NIPAL2: variants seen among roughly 807,000 people sequenced by gnomAD.
NIPAL2 encodes the protein NIPA-like protein 2.
Under a neutral mutation model 48.9 loss-of-function variants are expected in NIPAL2, and 43 were observed. The ratio of observed to expected loss-of-function variants is 0.88; its 90% CI spans 0.69 to 1.13. NIPAL2 has a LOEUF of 1.13. Ranked by LOEUF, NIPAL2 falls within the 50% of genes most tolerant of loss-of-function variation. The probability of loss-of-function intolerance (pLI) is 0.00; values close to 1 mark genes in which losing one functional copy is unlikely to be tolerated. For synonymous variants in NIPAL2, 167 were observed against 174.6 expected (o/e 0.96, Z 0.34); for missense variants, 446 against 461.4 (o/e 0.97, Z 0.31).
chr8:98,240,388 G>A (rs1301591851), intron 3 of NIPAL2, among the ~76,000 whole-genome samples: 2 of 152,152 alleles, frequency 1.3e-5, no homozygotes, highest in African/African-American at 2.4e-5. Context: ...AATAGTCCTA[G>A]CAGGTTAATA....
intron 1 of NIPAL2, among the ~76,000 whole-genome samples, chr8:98,259,581 T>TA (rs1454495887): frequency 2.0e-5 from 3 of 152,210 alleles, no homozygotes; most frequent in African/African-American, 7.2e-5. Context: ...CTCCACCTGT[T>TA]AGGAAAAACA....
rs1372783379 is a variant in NIPAL2 at position 98,294,114 on chromosome 8, G to T, written c.24C>A (p.Gly8=). 3 of 1,472,570 alleles carry T rather than the reference G, an allele frequency of 2.0e-6. No homozygotes were observed. Among genetic ancestry groups the T allele is most frequent in the Non-Finnish European group, 2.7e-6 (3 of 1,111,274 alleles). The allele number at this position is 1,472,570 out of a possible 1,614,324, so 91.2% of individuals were successfully genotyped here. Reference sequence around the variant, plus strand: ...GGGCGGCCGAGGCGGAGTCCCCGGGGCCCGCGGGCGCCACCGCTGCCATGA... The same window carrying T: ...GGGCGGCCGAGGCGGAGTCCCCGGGTCCCGCGGGCGCCACCGCTGCCATGA... MAAVAPA[G]PGDSASAALD... Residue 8 remains glycine, a synonymous_variant, in exon 1 of 11, where the codon GGC becomes GGA. Coordinates refer to ENST00000430223, the MANE Select transcript of NIPAL2 (RefSeq NM_001321635.2).
At chr8:98,259,139 C>A (rs958764557) in intron 1 of NIPAL2, among the ~76,000 whole-genome samples, 168 of 127,334 alleles carry the variant, frequency 1.3e-3, no homozygotes, top group Non-Finnish European at 2.1e-3. Flanking sequence ...TGCAGTGGCG[C>A]GATCTCGACT....
At chr8:98,264,914 T>C (rs1270237511) in intron 1 of NIPAL2, among the ~76,000 whole-genome samples, 2 of 151,008 alleles carry the variant, frequency 1.3e-5, no homozygotes, top group African/African-American at 4.9e-5. Context: ...AACAGCATGG[T>C]ACTGGTACCA....
chr8:98,275,670 C>T (rs891727339), intron 1 of NIPAL2, among the ~76,000 whole-genome samples: 21 of 152,146 alleles, frequency 1.4e-4, no homozygotes, highest in Admixed American at 1.4e-3. Context: ...TTGAAAGGAA[C>T]TGCCAAACTA....
chr8:98,252,074 A>G (rs1813617026), intron 3 of NIPAL2: 1 of 158,924 alleles, frequency 6.3e-6, no homozygotes, highest in African/African-American at 2.4e-5. Flanking sequence ...ATACTAAACT[A>G]TGAAGTCAAG....
In NIPAL2 at chr8:98,190,168, A is replaced by G. The variant is rs975778792; in HGVS notation, c.*2810T>C. 3 of 152,184 alleles carry G rather than the reference A, an allele frequency of 2.0e-5. No homozygotes were observed. Among genetic ancestry groups the G allele is most frequent in the Non-Finnish European group, 2.9e-5 (2 of 68,040 alleles). The allele number at this position is 152,184 out of a possible 1,614,324, so 9.4% of individuals were successfully genotyped here. A position where few individuals can be genotyped will look rare whatever the true frequency, so the allele number is the denominator to read the frequency against. Reference sequence around the variant, plus strand: ...ATCAAGCCATGTTTCCACACTCCCAAAGTATCTCATTTGTCATGAGCCATG... The same window carrying G: ...ATCAAGCCATGTTTCCACACTCCCAGAGTATCTCATTTGTCATGAGCCATG... On this transcript the variant is annotated 3_prime_UTR_variant, in exon 11 of 11. Transcript: ENST00000430223.
At chr8:98,283,272 T>C (rs1053964891) in intron 1 of NIPAL2, among the ~76,000 whole-genome samples, 2 of 152,336 alleles carry the variant, frequency 1.3e-5, no homozygotes, top group East Asian at 1.9e-4. Context: ...TTCTGAGAAA[T>C]GTAAGTCTCA....
intron 6 of NIPAL2, among the ~76,000 whole-genome samples, chr8:98,206,316 GTA>G (rs1554561615): frequency 7.5e-5 from 11 of 147,548 alleles, no homozygotes; most frequent in Non-Finnish European, 1.0e-4. Flanking sequence ...GTGTGTGTGT[GTA>G]TATATATATA....
At chr8:98,210,115 TTTCTC>T (rs1295114566) in intron 6 of NIPAL2, among the ~76,000 whole-genome samples, 2 of 152,024 alleles carry the variant, frequency 1.3e-5, no homozygotes, top group Non-Finnish European at 1.5e-5. Flanking sequence ...ATCCATTACT[TTTCTC>T]TTTTCTATTT....
chr8:98,252,769 A>G (rs889341299), intron 2 of NIPAL2, 135 bp from the exon 3 acceptor site: 2 of 761,256 alleles, frequency 2.6e-6, no homozygotes, highest in African/African-American at 3.6e-5. Context: ...AAGAACGAAT[A>G]CATTTTTGGG....
In NIPAL2 at chr8:98,191,362, A is replaced by G. The variant is rs762500298; in HGVS notation, c.*1616T>C. 27 of 152,230 alleles carry G rather than the reference A, an allele frequency of 1.8e-4. No individual in the cohort carries two copies. The highest frequency in any genetic ancestry group is 3.5e-4 in the Non-Finnish European group (24 of 68,042). The allele number at this position is 152,230 out of a possible 1,614,324, so 9.4% of individuals were successfully genotyped here. On this transcript the variant is annotated 3_prime_UTR_variant, in exon 11 of 11. Coordinates refer to ENST00000430223, the MANE Select transcript of NIPAL2 (RefSeq NM_001321635.2). The stretch of plus-strand genomic sequence containing the variant: ...ATACACCATAAATTATGACTGCTTT[A>G]TCTGAATGCATGGGACACTTGCTAC...
At chr8:98,275,616 C>T (rs1317276452) in intron 1 of NIPAL2, among the ~76,000 whole-genome samples, 2 of 152,046 alleles carry the variant, frequency 1.3e-5, no homozygotes, top group African/African-American at 2.4e-5. Flanking sequence ...GATAAATGCC[C>T]GAAAGTGTAA....
At position 98,222,499 on chromosome 8, in the gene NIPAL2, A is replaced by G. The variant is rs887221149; in HGVS notation, c.538T>C (p.Trp180Arg). The G allele has an allele frequency of 3.1e-6, 5 of 1,613,620 alleles. No homozygotes were observed. In the South Asian group the frequency reaches 4.4e-5, roughly 14 times the overall value. The change falls in exon 5 of 11, where the codon TGG (tryptophan) becomes CGG (arginine). Residue 180 changes from tryptophan to arginine, a missense_variant. Trp to Arg is a moderately radical substitution (Grantham distance 101). Transcript: ENST00000430223. ...ARTVQYYLVG[W>R]QFLIYVILEI... ...CTTACCACATAGATCAGGAACTGCC[A>G]TCCGACAAGGTAATACTGTACTGTT...
At chr8:98,206,776 C>CA (rs11290720) in intron 6 of NIPAL2, among the ~76,000 whole-genome samples, 6,593 of 99,192 alleles carry the variant, frequency 0.066, 349 homozygotes, top group African/African-American at 0.18. Context: ...GACTCTGTCT[C>CA]AAAAAAAAAA....
chr8:98,239,653 AT>A (rs1346132940), intron 3 of NIPAL2, among the ~76,000 whole-genome samples: 1 of 151,852 alleles, frequency 6.6e-6, no homozygotes, highest in Non-Finnish European at 1.5e-5. Flanking sequence ...AGCCAATAAC[AT>A]TTTTTTTCTG....
intron 5 of NIPAL2, among the ~76,000 whole-genome samples, chr8:98,214,146 G>T (rs1028934998): frequency 2.0e-5 from 3 of 150,258 alleles, no homozygotes; most frequent in African/African-American, 7.4e-5. Flanking sequence ...TGAGTTCTCA[G>T]TTTTATTTTT....
At chr8:98,276,930 C>T (rs990533178) in intron 1 of NIPAL2, among the ~76,000 whole-genome samples, 1 of 151,950 alleles carries the variant, frequency 6.6e-6, no homozygotes, top group Non-Finnish European at 1.5e-5. Flanking sequence ...CCACCATGCT[C>T]GGCTAATTTT....
intron 1 of NIPAL2, among the ~76,000 whole-genome samples, chr8:98,257,933 T>C (rs1814007018): frequency 2.0e-5 from 3 of 152,222 alleles, no homozygotes. Flanking sequence ...TTGATTGATG[T>C]CTTATATCTC....
Sources: allele counts gnomAD v4.1 joint callset (sites outside exome capture counted in the v4.1 genomes callset), GRCh38; gene constraint gnomAD v4.1.1; transcripts MANE v1.5; gene names NCBI Gene and HGNC (gene_info 2026-07-23, HGNC 2026-07-21).